PARP8: variants seen among roughly 807,000 people sequenced by gnomAD.
The protein encoded by PARP8 is protein mono-ADP-ribosyltransferase PARP8.
A neutral mutation model predicts 124.1 loss-of-function variants in PARP8; 51 were observed. That is an observed-to-expected ratio of 0.41 (90% CI 0.33 to 0.52). The LOEUF is 0.52. PARP8 is among the 20% of genes least tolerant of loss of function. The pLI is 0.21. For synonymous variants in PARP8, 391 were observed against 361.5 expected, an observed-to-expected ratio of 1.08 and a Z score of -0.93; for missense variants, 860 against 1,018.9, an observed-to-expected ratio of 0.84 and a Z score of 2.12.
chr5:50,783,320 A>G (rs1380632046), intron 9 of PARP8, among the ~76,000 whole-genome samples: 1 of 152,142 alleles, frequency 6.6e-6, no homozygotes, highest in African/African-American at 2.4e-5. Flanking sequence ...ACCGGAAGGT[A>G]GTTGGCAAGG....
chr5:50,700,360 ATAACT>A (rs1252627658), intron 2 of PARP8, among the ~76,000 whole-genome samples: 1 of 152,216 alleles, frequency 6.6e-6, no homozygotes, highest in Non-Finnish European at 1.5e-5. Flanking sequence ...TATTCTGTAG[ATAACT>A]TCATTCACAG....
chr5:50,729,088 C>G (rs543023252), intron 2 of PARP8, among the ~76,000 whole-genome samples: 18 of 152,092 alleles, frequency 1.2e-4, no homozygotes, highest in Admixed American at 9.2e-4. Flanking sequence ...TGCTCCTCTT[C>G]TAAAGTGAAA....
rs567077460 is a variant in PARP8, at chr5:50,799,200, G to A, written c.1575+1967G>A. Among the ~76,000 whole-genome samples the A allele has an allele frequency of 7.9e-5, 12 of 152,274 alleles. 1 individual carries two copies. In the South Asian group the frequency reaches 2.5e-3, roughly 32 times the overall value. On this transcript the variant is annotated intron_variant, in intron 14 of 25. Transcript: ENST00000281631. ...TCCCTCTAAGAATTTCACGATTTAT[G>A]TCTTACATTTAAGTCACAATACTTT... is the stretch of plus-strand genomic sequence containing the variant.
chr5:50,842,078 A>T lies in PARP8; in HGVS notation c.*10A>T, dbSNP rs796281320. ...AACTGCTACTGGTTAAAGGACCACCATTTAATTAACATGATTCGAAAGCCT... is the reference window on the plus strand; with the variant it reads ...AACTGCTACTGGTTAAAGGACCACCTTTTAATTAACATGATTCGAAAGCCT... On this transcript the variant is annotated 3_prime_UTR_variant, in exon 26 of 26. Transcript: ENST00000281631. 6.4e-7 allele frequency: 1 copy of T among 1,559,950 alleles called. No individual in the cohort carries two copies. The highest frequency in any genetic ancestry group is 1.1e-5 in the South Asian group (1 of 87,048).
intron 14 of PARP8, among the ~76,000 whole-genome samples, chr5:50,804,888 C>T (rs1580400530): frequency 6.6e-6 from 1 of 151,648 alleles, no homozygotes; most frequent in Admixed American, 6.6e-5. Flanking sequence ...AGTGCGTTTA[C>T]GTAGAGTTAA....
chr5:50,809,502 A>G (rs1744209599), intron 14 of PARP8, among the ~76,000 whole-genome samples: 1 of 152,048 alleles, frequency 6.6e-6, no homozygotes, highest in African/African-American at 2.4e-5. Context: ...TTGTATACAC[A>G]TTGAGTTAAG....
chr5:50,720,235 T>C (rs1392781018), intron 2 of PARP8, among the ~76,000 whole-genome samples: 1 of 152,070 alleles, frequency 6.6e-6, no homozygotes, highest in Non-Finnish European at 1.5e-5. Flanking sequence ...TTGCATTCAG[T>C]GGGGATTTGG....
intron 14 of PARP8, among the ~76,000 whole-genome samples, chr5:50,809,085 A>C (rs186774748): frequency 1.3e-4 from 20 of 152,190 alleles, no homozygotes; most frequent in Admixed American, 1.3e-3. Flanking sequence ...CTTTAGTTTT[A>C]TGAGACAAAT....
intron 21 of PARP8, 150 bp downstream of exon 21, chr5:50,828,534 C>T (rs1205320498): frequency 3.0e-6 from 2 of 668,088 alleles, no homozygotes; most frequent in Middle Eastern, 2.5e-4. Flanking sequence ...AGAACTGAAG[C>T]AGAACTGATC....
intron 2 of PARP8, among the ~76,000 whole-genome samples, chr5:50,738,612 C>G (rs1329727950): frequency 6.6e-6 from 1 of 151,348 alleles, no homozygotes; most frequent in Non-Finnish European, 1.5e-5. Context: ...TTTGTTTTGG[C>G]TTAAACCAAT....
intron 7 of PARP8, among the ~76,000 whole-genome samples, chr5:50,772,959 A>G (rs1761779759): frequency 6.6e-6 from 1 of 152,210 alleles, no homozygotes; most frequent in Non-Finnish European, 1.5e-5. Context: ...TGGCCTCCCA[A>G]AATGCTGGGA....
chr5:50,675,461 C>T (rs1281441048), intron 2 of PARP8, among the ~76,000 whole-genome samples: 13 of 152,144 alleles, frequency 8.5e-5, no homozygotes, highest in Non-Finnish European at 1.2e-4. Flanking sequence ...CACACCACCA[C>T]GGCCGGCTAA....
At chr5:50,756,954 T>G (rs1480181521) in intron 3 of PARP8, among the ~76,000 whole-genome samples, 1 of 152,230 alleles carries the variant, frequency 6.6e-6, no homozygotes, top group East Asian at 1.9e-4. Context: ...TTATTTCACT[T>G]GGCATAACGT....
intron 2 of PARP8, among the ~76,000 whole-genome samples, chr5:50,722,394 A>G (rs774002771): frequency 9.2e-5 from 14 of 152,030 alleles, no homozygotes; most frequent in Non-Finnish European, 1.8e-4. Context: ...TCCATTTCCC[A>G]GCTTCCCTAG....
chr5:50,751,502 G>C (rs1276044983), intron 3 of PARP8, among the ~76,000 whole-genome samples: 2 of 152,074 alleles, frequency 1.3e-5, no homozygotes, highest in Non-Finnish European at 2.9e-5. Context: ...AGAAGACGGA[G>C]ATTAGTGCAT....
rs190518659 is a variant in PARP8 at position 50,772,276 on chromosome 5, G to T, written c.519-5793G>T. Among the ~76,000 whole-genome samples the T allele has an allele frequency of 2.4e-3, 360 of 152,238 alleles. 1 individual carries two copies. The highest frequency in any genetic ancestry group is 3.9e-3 in the Non-Finnish European group (268 of 68,026). ...GTTAATGGACACTTAGGTTAATTCT[G>T]CATCTTGGCTGTTGTGAATAGTGTT... On this transcript the variant is annotated intron_variant, in intron 7 of 25. Coordinates refer to ENST00000281631, the MANE Select transcript of PARP8 (RefSeq NM_024615.4).
At chr5:50,815,031 T>C (rs1744943072) in intron 14 of PARP8, among the ~76,000 whole-genome samples, 1 of 152,168 alleles carries the variant, frequency 6.6e-6, no homozygotes, top group African/African-American at 2.4e-5. Context: ...TTCTCCTTTA[T>C]ATGTTTGTTT....
intron 15 of PARP8, among the ~76,000 whole-genome samples, chr5:50,816,337 G>T (rs1278335351): frequency 1.3e-5 from 2 of 152,164 alleles, no homozygotes; most frequent in African/African-American, 4.8e-5. Flanking sequence ...ACCTTACACT[G>T]TGTGCAAAAA....
At chr5:50,778,536 C>A in intron 8 of PARP8, 24 bp from the exon 9 acceptor site, 2 of 1,521,856 alleles carry the variant, frequency 1.3e-6, no homozygotes, top group Non-Finnish European at 1.8e-6. Flanking sequence ...ATGATTAATT[C>A]ATCTTTTAAA....
Sources: allele counts gnomAD v4.1 joint callset (sites outside exome capture counted in the v4.1 genomes callset), GRCh38; gene constraint gnomAD v4.1.1; transcripts MANE v1.5; gene names NCBI Gene and HGNC (gene_info 2026-07-23, HGNC 2026-07-21).